PARD3B: variants seen among roughly 807,000 people sequenced by gnomAD.
PARD3B encodes the protein par-3 family cell polarity regulator beta.
A neutral mutation model predicts 130.2 loss-of-function variants in PARD3B; 103 were observed. The observed-to-expected ratio is 0.79, with a 90% confidence interval of 0.67 to 0.93. The LOEUF is 0.93. Among genes scored for constraint, PARD3B ranks in the 40% least tolerant of loss-of-function variants. The probability of loss-of-function intolerance (pLI) is 0.00; values close to 1 mark genes in which losing one functional copy is unlikely to be tolerated. For missense variants in PARD3B, 1,609 were observed against 1,499.2 expected, an observed-to-expected ratio of 1.07 and a Z score of -1.21; for synonymous variants, 583 against 553.2, an observed-to-expected ratio of 1.05 and a Z score of -0.76.
At chr2:204,635,439 A>G (rs1368202043) in intron 1 of PARD3B, among the ~76,000 whole-genome samples, 1 of 152,088 alleles carries the variant, frequency 6.6e-6, no homozygotes, top group East Asian at 1.9e-4. Context: ...AAAATTTAGG[A>G]TTATTTGGTT....
At chr2:205,497,291 G>A (rs938462284) in intron 20 of PARD3B, among the ~76,000 whole-genome samples, 3 of 151,502 alleles carry the variant, frequency 2.0e-5, no homozygotes, top group East Asian at 1.9e-4. Context: ...AGTGTCTGTC[G>A]AGCACCCAGG....
At chr2:205,549,562 A>G (rs932014470) in intron 21 of PARD3B, among the ~76,000 whole-genome samples, 5 of 152,194 alleles carry the variant, frequency 3.3e-5, no homozygotes, top group Non-Finnish European at 5.9e-5. Context: ...GTGTGATACC[A>G]ACTATATGAC....
chr2:205,433,886 T>C (rs1022254771), intron 19 of PARD3B, among the ~76,000 whole-genome samples: 12 of 152,210 alleles, frequency 7.9e-5, no homozygotes, highest in African/African-American at 2.2e-4. Flanking sequence ...AAACCATAGT[T>C]TGATTATCCA....
chr2:204,949,335 T>C (rs1409444537), intron 2 of PARD3B, among the ~76,000 whole-genome samples: 5 of 152,174 alleles, frequency 3.3e-5, no homozygotes, highest in African/African-American at 4.8e-5. Context: ...TTCTTTTTTT[T>C]GAGACAGGGT....
chr2:205,542,074 C>T (rs12618514), intron 21 of PARD3B, among the ~76,000 whole-genome samples: 53,162 of 139,498 alleles, frequency 0.38, 10,707 homozygotes, highest in Admixed American at 0.54. Flanking sequence ...ACCCAGGAGG[C>T]GGAGGTTGCA....
intron 2 of PARD3B, among the ~76,000 whole-genome samples, chr2:204,805,223 A>T (rs2125509674): frequency 6.6e-6 from 1 of 152,260 alleles, no homozygotes; most frequent in South Asian, 2.1e-4. Flanking sequence ...CAGAGATGAA[A>T]AAAGAGACAT....
At position 205,105,525 on chromosome 2, in the gene PARD3B, T is replaced by C. The variant is rs2125578445; in HGVS notation, c.593+1011T>C. Among the ~76,000 whole-genome samples, 1 of 152,298 alleles carries C rather than the reference T, an allele frequency of 6.6e-6. No homozygotes were observed. Among genetic ancestry groups the C allele is most frequent in the South Asian group, 2.1e-4 (1 of 4,828 alleles). ...GAAATTAGCTTTTTAAAAACATAGGTCATCATCCTTTGTCATGTGCTTTAC... is the reference window on the plus strand; with the variant it reads ...GAAATTAGCTTTTTAAAAACATAGGCCATCATCCTTTGTCATGTGCTTTAC... On this transcript the variant is annotated intron_variant, in intron 5 of 22. Coordinates refer to ENST00000406610, the MANE Select transcript of PARD3B (RefSeq NM_001302769.2). This position sits in a 1 kb window ranked among gnomAD's most constrained non-coding sequence, Gnocchi z 4.0.
chr2:205,014,540 A>G (rs543998928), intron 3 of PARD3B, among the ~76,000 whole-genome samples: 18 of 152,334 alleles, frequency 1.2e-4, no homozygotes, highest in African/African-American at 3.8e-4. Flanking sequence ...GCTTTGGCCA[A>G]TTGGTCTTCC....
At chr2:205,108,206 T>C (rs1046057379) in intron 5 of PARD3B, among the ~76,000 whole-genome samples, 14 of 152,218 alleles carry the variant, frequency 9.2e-5, no homozygotes, top group Non-Finnish European at 1.8e-4. Context: ...TGCAATAATT[T>C]AGTAATTCCT....
intron 18 of PARD3B, among the ~76,000 whole-genome samples, chr2:205,338,863 G>A (rs2043413034): frequency 6.6e-6 from 1 of 152,058 alleles, no homozygotes; most frequent in African/African-American, 2.4e-5. Flanking sequence ...ATTATTTTAG[G>A]TATTACATGA....
intron 22 of PARD3B, among the ~76,000 whole-genome samples, chr2:205,607,861 C>CACAT (rs2055069048): frequency 6.6e-6 from 1 of 151,726 alleles, no homozygotes; most frequent in Admixed American, 6.6e-5. Context: ...CACACACACA[C>CACAT]ACACACACAC....
chr2:205,168,436 T>A (rs763239443), intron 11 of PARD3B, among the ~76,000 whole-genome samples: 1 of 152,160 alleles, frequency 6.6e-6, no homozygotes, highest in Non-Finnish European at 1.5e-5. Flanking sequence ...AAAGTTAATA[T>A]TCTCATGCCT....
chr2:204,810,872 C>T (rs780790358), intron 2 of PARD3B, among the ~76,000 whole-genome samples: 8 of 151,992 alleles, frequency 5.3e-5, no homozygotes, highest in Non-Finnish European at 7.4e-5. Flanking sequence ...GGAATAGTTT[C>T]GGTAGGAATG....
intron 2 of PARD3B, among the ~76,000 whole-genome samples, chr2:204,740,683 C>T (rs2039971735): frequency 6.6e-6 from 1 of 152,174 alleles, no homozygotes. Context: ...CTGAGCTCAG[C>T]TGGGGCTGTC....
intron 2 of PARD3B, among the ~76,000 whole-genome samples, chr2:204,917,209 A>G (rs1359995059): frequency 6.6e-6 from 1 of 152,162 alleles, no homozygotes; most frequent in Non-Finnish European, 1.5e-5. Context: ...TGGATCAGAT[A>G]GGGCCTTGTA....
intron 18 of PARD3B, among the ~76,000 whole-genome samples, chr2:205,359,952 A>G (rs1278636978): frequency 6.6e-6 from 1 of 152,180 alleles, no homozygotes; most frequent in Admixed American, 6.5e-5. Context: ...GGATAAATGC[A>G]TTTTTTAAAT....
In PARD3B at chr2:205,619,039, A is replaced by G. The variant is rs1299793877; in HGVS notation, c.*3226A>G. The G allele has an allele frequency of 1.3e-5, 2 of 152,226 alleles. No homozygotes were observed. Among genetic ancestry groups the G allele is most frequent in the African/African-American group, 4.8e-5 (2 of 41,458 alleles). The allele number at this position is 152,226 out of a possible 1,614,324, so 9.4% of individuals were successfully genotyped here. ...TTAAGAGCATAGTAGGGGTTCTGAG[A>G]CCGACTGTCACCCGTGGATCCTGAT... On this transcript the variant is annotated 3_prime_UTR_variant, in exon 23 of 23. Transcript: ENST00000406610.
chr2:205,480,639 A>G (rs1393198459), intron 20 of PARD3B, among the ~76,000 whole-genome samples: 1 of 152,212 alleles, frequency 6.6e-6, no homozygotes, highest in Non-Finnish European at 1.5e-5. Flanking sequence ...AGGATTTCAC[A>G]GGTAGAGAGT....
chr2:205,050,787 C>T (rs1042164657), intron 4 of PARD3B, among the ~76,000 whole-genome samples: 3 of 151,408 alleles, frequency 2.0e-5, no homozygotes, highest in African/African-American at 4.9e-5. Context: ...TATTGGACAG[C>T]GCAGCTCTAG....
Sources: gnomAD v4.1 joint callset for allele counts (sites outside exome capture counted in the v4.1 genomes callset) on GRCh38, gnomAD v4.1.1 for gene constraint, Gnocchi (gnomAD v3.1) non-coding constraint, MANE v1.5 for transcripts, NCBI Gene and HGNC (gene_info 2026-07-23, HGNC 2026-07-21) for gene names.